The following GTSE1 variants were observed in gnomAD, a reference collection of about 807,000 sequenced individuals.
The protein encoded by GTSE1 is G2 and S phase-expressed protein 1.
A neutral mutation model predicts 60.5 loss-of-function variants in GTSE1; 52 were observed. That is an observed-to-expected ratio of 0.86 (90% confidence interval 0.69 to 1.08). The LOEUF is 1.08. Among genes scored for constraint, GTSE1 ranks in the 50% least tolerant of loss-of-function variants. The probability of loss-of-function intolerance (pLI) is 0.00; values close to 1 mark genes in which losing one functional copy is unlikely to be tolerated. For synonymous variants in GTSE1, 368 were observed against 386.5 expected (o/e 0.95, Z 0.56); for missense variants, 937 against 961.8 (o/e 0.97, Z 0.34).
chr22:46,311,633 T>C (rs1330068893), intron 4 of GTSE1, among the ~76,000 whole-genome samples: 1 of 152,248 alleles, frequency 6.6e-6, no homozygotes, highest in East Asian at 1.9e-4. Context: ...AAGTATAAAT[T>C]AGTTCCATGA....
At chr22:46,306,642 G>A (rs1317704081) in intron 2 of GTSE1, among the ~76,000 whole-genome samples, 2 of 152,048 alleles carry the variant, frequency 1.3e-5, no homozygotes, top group Admixed American at 6.6e-5. Context: ...CACCACGCTC[G>A]GCTAATTTTT....
In GTSE1 at chr22:46,297,280, G is replaced by T; in HGVS notation, c.-21-100G>T. ...CGCCGCCTCTCCCAGACCTGGCCGC[G>T]GCCTTCAGCTCTCTCTGCCTCTGTG... On this transcript the variant is annotated intron_variant, in intron 1 of 11. Transcript: ENST00000454366. This position sits in a 1 kb window ranked among gnomAD's most constrained non-coding sequence, Gnocchi z 4.9. 1 of 756,356 alleles carries T rather than the reference G, an allele frequency of 1.3e-6. No individual in the cohort carries two copies. The highest frequency in any genetic ancestry group is 2.3e-6 in the Non-Finnish European group (1 of 432,094). The allele number at this position is 756,356 out of a possible 1,614,324, so 46.9% of individuals were successfully genotyped here. A position where few individuals can be genotyped will look rare whatever the true frequency, so the allele number is the denominator to read the frequency against.
At position 46,309,542 on chromosome 22, in the gene GTSE1, C is replaced by T. The variant is rs1306241335; in HGVS notation, c.762+599C>T. 5.3e-5 allele frequency among the ~76,000 whole-genome samples: 8 copies of T among 152,132 alleles called. No homozygotes were observed. The highest frequency in any genetic ancestry group is 3.9e-4 in the Admixed American group (6 of 15,286). ...GAGCCCCGGGGCCCACCCTGCAGCCCGTTCCCAGCTCTGCCCCCTCCCCTG... is the reference window on the plus strand; with the variant it reads ...GAGCCCCGGGGCCCACCCTGCAGCCTGTTCCCAGCTCTGCCCCCTCCCCTG... On this transcript the variant is annotated intron_variant, in intron 4 of 11. Coordinates refer to ENST00000454366, the MANE Select transcript of GTSE1 (RefSeq NM_016426.7). This position sits in a 1 kb window ranked among gnomAD's most constrained non-coding sequence, Gnocchi z 6.2.
Position 46,304,926 on chromosome 22 carries a change from C to T in GTSE1, c.80-3224C>T, listed in dbSNP as rs1416579946. On this transcript the variant is annotated intron_variant, in intron 2 of 11. Transcript: ENST00000454366. This position sits in a 1 kb window ranked among gnomAD's most constrained non-coding sequence, Gnocchi z 4.4. ...TCCAGGAGTTCGAGGCTGCAGTGAG[C>T]TATGATTGTACCACTGTACTCCAGC... 1.3e-5 allele frequency among the ~76,000 whole-genome samples: 2 copies of T among 152,204 alleles called. No homozygotes were observed. The highest frequency in any genetic ancestry group is 2.9e-5 in the Non-Finnish European group (2 of 68,030).
Position 46,320,406 on chromosome 22 carries a change from G to T in GTSE1, c.1433-2784G>T, listed in dbSNP as rs1249489954. Among the ~76,000 whole-genome samples the T allele has an allele frequency of 6.6e-6, 1 of 152,126 alleles. No individual in the cohort carries two copies. The highest frequency in any genetic ancestry group is 1.5e-5 in the Non-Finnish European group (1 of 68,044). On this transcript the variant is annotated intron_variant, in intron 7 of 11. Coordinates refer to ENST00000454366, the MANE Select transcript of GTSE1 (RefSeq NM_016426.7). This position sits in a 1 kb window ranked among gnomAD's most constrained non-coding sequence, Gnocchi z 7.1. ...GGTCAAAACTGGTCCCACAAACTCA[G>T]CACTGGCCGGAAGAGAGGCCCCAGG...
At position 46,329,091 on chromosome 22, in the gene GTSE1, G is replaced by A; in HGVS notation, c.1926+202G>A. On this transcript the variant is annotated intron_variant, in intron 10 of 11. Transcript: ENST00000454366. The surrounding 1 kb of genome is among the most constrained non-coding windows in gnomAD (Gnocchi z 6.4). ...GGAGAAAGCCCTGCATTTGACTAAG[G>A]CAAGGGTCAGGGATCAAAGCTGAGG... is the stretch of plus-strand genomic sequence containing the variant. 6.5e-6 allele frequency: 4 copies of A among 619,092 alleles called. No homozygotes were observed. In the South Asian group the frequency reaches 7.6e-5, roughly 12 times the overall value. 38.3% of individuals were successfully genotyped at this position (619,092 alleles called of 1,614,324 possible).
intron 7 of GTSE1, among the ~76,000 whole-genome samples, chr22:46,322,418 C>A (rs1207421916): frequency 6.6e-6 from 1 of 152,160 alleles, no homozygotes; most frequent in East Asian, 1.9e-4. Context: ...CCAGACATAG[C>A]AAGGTGTTCC....
rs767265027 is a variant in GTSE1 at position 46,330,090 on chromosome 22, C to T, written c.2180C>T (p.Ala727Val). ...SSPLIQLSPE[A>V]DKENVDSPLL... ...CCTCTGATCCAGCTGAGCCCTGAGG[C>T]TGACAAGGAGAACGTGGATTCCCCA... The change falls in exon 12 of 12, where the codon GCT becomes GTT. Residue 727 changes from alanine to valine, a missense_variant. Ala to Val is a moderately conservative substitution (Grantham distance 64). Coordinates refer to ENST00000454366, the MANE Select transcript of GTSE1 (RefSeq NM_016426.7). This position sits in a 1 kb window ranked among gnomAD's most constrained non-coding sequence, Gnocchi z 6.0. The T allele has an allele frequency of 1.2e-6, 2 of 1,611,704 alleles. No homozygotes were observed. The highest frequency in any genetic ancestry group is 2.2e-5 in the South Asian group (2 of 91,056).
chr22:46,305,560 G>T (rs1305859301), intron 2 of GTSE1, among the ~76,000 whole-genome samples: 1 of 151,458 alleles, frequency 6.6e-6, no homozygotes, highest in Non-Finnish European at 1.5e-5. Flanking sequence ...AGTGAGCCAA[G>T]ATCACACCAC....
chr22:46,315,896 C>T, intron 6 of GTSE1, 136 bp from the exon 7 acceptor site: 1 of 655,778 alleles, frequency 1.5e-6, no homozygotes, highest in South Asian at 3.1e-5. Flanking sequence ...GATGATGTTG[C>T]CTGAAGGGCT....
Position 46,304,401 on chromosome 22 carries a change from C to T in GTSE1, c.80-3749C>T, listed in dbSNP as rs528290486. On this transcript the variant is annotated intron_variant, in intron 2 of 11. Coordinates refer to ENST00000454366, the MANE Select transcript of GTSE1 (RefSeq NM_016426.7). This position sits in a 1 kb window ranked among gnomAD's most constrained non-coding sequence, Gnocchi z 4.4. ...TACTTCTGACGTTATCCCACTGAAC[C>T]TAATGCTGGCTTTGGGTTGAGATGG... Among the ~76,000 whole-genome samples the T allele has an allele frequency of 3.8e-4, 58 of 152,308 alleles. No homozygotes were observed. Among genetic ancestry groups the T allele is most frequent in the African/African-American group, 1.3e-3 (54 of 41,558 alleles).
intron 9 of GTSE1, 111 bp downstream of exon 9, chr22:46,326,765 T>C: frequency 1.5e-6 from 1 of 678,682 alleles, no homozygotes; most frequent in East Asian, 2.9e-5. Context: ...GTAAATAGTA[T>C]TTGGAAAGTT....
In GTSE1 at chr22:46,316,339, T is replaced by C; in HGVS notation, c.1359T>C (p.Asp453=). The C allele has an allele frequency of 6.2e-7, 1 of 1,613,148 alleles. No individual in the cohort carries two copies. The highest frequency in any genetic ancestry group is 2.2e-5 in the East Asian group (1 of 44,882). ...AGACTAGAAGTATCAGACGGCGAGA[T>C]TCCTGTCTAAATTCCAAGACAAAGG... The part of the protein sequence containing the change: ...LNKTRSIRRR[D]SCLNSKTKVM... The change falls in exon 7 of 12, where the codon GAT becomes GAC. Residue 453 remains aspartate (D), a synonymous_variant. Transcript: ENST00000454366. The surrounding 1 kb of genome is among the most constrained non-coding windows in gnomAD (Gnocchi z 5.0).
chr22:46,312,542 G>T (rs937524781), intron 5 of GTSE1, among the ~76,000 whole-genome samples: 5 of 151,902 alleles, frequency 3.3e-5, no homozygotes, highest in Non-Finnish European at 5.9e-5. Flanking sequence ...AGGAGGCTGA[G>T]GTGGGATGAT....
intron 2 of GTSE1, among the ~76,000 whole-genome samples, chr22:46,300,773 G>A (rs995473283): frequency 3.3e-5 from 5 of 152,174 alleles, no homozygotes; most frequent in African/African-American, 1.2e-4. Context: ...CTGCTTCCCT[G>A]AGTTCTGGTC....
chr22:46,308,771 C>G lies in GTSE1; in HGVS notation c.590C>G (p.Ala197Gly), dbSNP rs929204921. ...GCCCTGCCCAGCTCTGGTGCCCAGG[C>G]CCGCCTCACCCGGGCGCCGGGGCCT... Reference protein sequence around the residue: ...SPALPSSGAQARLTRAPGPPH... With the variant: ...SPALPSSGAQGRLTRAPGPPH... Residue 197 changes from alanine to glycine, a missense_variant, in exon 4 of 12, where the codon GCC becomes GGC. Ala to Gly is a moderately conservative substitution (Grantham distance 60, BLOSUM62 0). Coordinates refer to ENST00000454366, the MANE Select transcript of GTSE1 (RefSeq NM_016426.7). 15 of 1,612,936 alleles carry G rather than the reference C, an allele frequency of 9.3e-6. No homozygotes were observed. Among genetic ancestry groups the G allele is most frequent in the Non-Finnish European group, 1.2e-5 (14 of 1,179,976 alleles).
rs1288558307 is a variant in GTSE1 at position 46,319,419 on chromosome 22, G to C, written c.1432+3007G>C. On this transcript the variant is annotated intron_variant, in intron 7 of 11. Coordinates refer to ENST00000454366, the MANE Select transcript of GTSE1 (RefSeq NM_016426.7). This position sits in a 1 kb window ranked among gnomAD's most constrained non-coding sequence, Gnocchi z 5.0. ...GAAGGAGGCTGGAGCGCTGCGGTCT[G>C]CCTGACGTTCTGGTAGCTTAGGGCT... Among the ~76,000 whole-genome samples the C allele has an allele frequency of 1.3e-5, 2 of 152,164 alleles. No homozygotes were observed. The highest frequency in any genetic ancestry group is 4.8e-5 in the African/African-American group (2 of 41,448).
At position 46,330,249 on chromosome 22, in the gene GTSE1, G is replaced by A. The variant is rs376304906; in HGVS notation, c.*119G>A. 3.0e-6 allele frequency: 2 copies of A among 670,732 alleles called. No homozygotes were observed. The highest frequency in any genetic ancestry group is 1.7e-5 in the South Asian group (1 of 60,176). 41.5% of individuals were successfully genotyped at this position (670,732 alleles called of 1,614,324 possible). The stretch of plus-strand genomic sequence containing the variant: ...GTAACCCTAGAACTTGGGAGGCTGA[G>A]GTGGGCGGATTACTTGAGCCCAGGA... On this transcript the variant is annotated 3_prime_UTR_variant, in exon 12 of 12. Transcript: ENST00000454366. The surrounding 1 kb of genome is among the most constrained non-coding windows in gnomAD (Gnocchi z 6.0).
chr22:46,322,340 G>A (rs2077818272), intron 7 of GTSE1, among the ~76,000 whole-genome samples: 1 of 152,214 alleles, frequency 6.6e-6, no homozygotes, highest in African/African-American at 2.4e-5. Flanking sequence ...CTCAGCTCCA[G>A]GCCCCACCCT....
Sources: gnomAD v4.1 joint callset for allele counts (sites outside exome capture counted in the v4.1 genomes callset) on GRCh38, gnomAD v4.1.1 for gene constraint, Gnocchi (gnomAD v3.1) non-coding constraint, MANE v1.5 for transcripts, NCBI Gene and HGNC (gene_info 2026-07-23, HGNC 2026-07-21) for gene names.